The following RPL12 variants were observed in gnomAD, a reference collection of about 807,000 sequenced individuals.
RPL12 encodes the protein ribosomal protein L12, also known as large ribosomal subunit protein uL11.
A neutral mutation model predicts 24.5 loss-of-function variants in RPL12; 10 were observed. The observed-to-expected ratio is 0.41, with a 90% CI of 0.25 to 0.69. The LOEUF is 0.69. RPL12 is among the 30% of genes least tolerant of loss of function. The pLI is 0.33. For synonymous variants in RPL12, 74 were observed against 76.1 expected, an observed-to-expected ratio of 0.97 and a Z score of 0.14; for missense variants, 137 against 205.3, an observed-to-expected ratio of 0.67 and a Z score of 2.03.
intron 4 of RPL12, 76 bp from the exon 5 acceptor site, chr9:127,448,499 T>A: frequency 1.0e-6 from 1 of 975,414 alleles, no homozygotes; most frequent in Non-Finnish European, 1.7e-6. Context: ...ATTTCATTTC[T>A]AGGCTGTTCC....
chr9:127,447,818 G>C (rs372212965), intron 6 of RPL12, 59 bp downstream of exon 6: 3 of 1,611,998 alleles, frequency 1.9e-6, no homozygotes, highest in Non-Finnish European at 1.7e-6. Flanking sequence ...GCTTATCTCT[G>C]TGAATACACT....
At chr9:127,448,767 T>TA (rs1834217746) in intron 4 of RPL12, 1 of 426,890 alleles carries the variant, frequency 2.3e-6, no homozygotes, top group Admixed American at 3.2e-5. Context: ...TATAGGTCAT[T>TA]ATTGCTGACA....
Position 127,447,746 on chromosome 9 carries a change from A to G in RPL12, c.493-20T>C. On this transcript the variant is annotated intron_variant, in intron 6 of 6. Transcript: ENST00000361436. ...TTAACTCTGTGGGAAAGAAAAAAAA[A>G]ATCAGTAAAAAGTTTAAAAGGATTA... The G allele has an allele frequency of 1.2e-6, 2 of 1,613,472 alleles. No individual in the cohort carries two copies. Among genetic ancestry groups the G allele is most frequent in the Non-Finnish European group, 1.7e-6 (2 of 1,179,826 alleles).
intron 4 of RPL12, 48 bp from the exon 5 acceptor site, chr9:127,448,471 G>A: frequency 8.3e-7 from 1 of 1,207,706 alleles, no homozygotes. Context: ...TGAAGCCAAA[G>A]CAGATCATGT....
At chr9:127,450,892 C>G in intron 1 of RPL12, 88 bp from the exon 2 acceptor site, 1 of 1,016,348 alleles carries the variant, frequency 9.8e-7, no homozygotes. Flanking sequence ...ACACGCCACC[C>G]TCTGCCTCTT....
chr9:127,449,413 T>C (rs1834228847), intron 3 of RPL12, 51 bp from the exon 4 acceptor site: 5 of 1,520,444 alleles, frequency 3.3e-6, no homozygotes, highest in South Asian at 1.1e-5. Flanking sequence ...AATACTGCCA[T>C]GCACGCTGGC....
At position 127,449,588 on chromosome 9, in the gene RPL12, G is replaced by T. The variant is rs373798552; in HGVS notation, c.210+22C>A. 1.3e-6 allele frequency: 2 copies of T among 1,599,552 alleles called. No individual in the cohort carries two copies. Among genetic ancestry groups the T allele is most frequent in the Non-Finnish European group, 1.7e-6 (2 of 1,166,952 alleles). The stretch of plus-strand genomic sequence containing the variant: ...ACCTGTCCCCCCACCCTCCTCTCCC[G>T]AAACCAAGCACAAGCAAATACCTGG... On this transcript the variant is annotated intron_variant, in intron 3 of 6. Coordinates refer to ENST00000361436, the MANE Select transcript of RPL12 (RefSeq NM_000976.4).
chr9:127,450,150 G>A (rs555119305), intron 2 of RPL12: 4 of 185,494 alleles, frequency 2.2e-5, no homozygotes, highest in South Asian at 2.2e-4. Flanking sequence ...GGCCAAGGAA[G>A]AATAGTTAAG....
intron 4 of RPL12, 199 bp from the exon 5 acceptor site, chr9:127,448,622 A>G (rs1328611867): frequency 2.7e-6 from 2 of 754,102 alleles, no homozygotes; most frequent in African/African-American, 3.4e-5. Context: ...GGTCAGGTGC[A>G]GTGGCGGGTG....
intron 5 of RPL12, 21 bp from the exon 6 acceptor site, chr9:127,448,010 G>A (rs1353823676): frequency 6.3e-7 from 1 of 1,589,772 alleles, no homozygotes; most frequent in African/African-American, 1.3e-5. Context: ...AGAAATGGTG[G>A]CATTGGAGGT....
Position 127,447,695 on chromosome 9 carries a change from C to A in RPL12, c.*26G>T. 1.9e-6 allele frequency: 3 copies of A among 1,613,200 alleles called. No individual in the cohort carries two copies. The East Asian group carries it at 6.7e-5, about 36-fold the overall frequency. On this transcript the variant is annotated 3_prime_UTR_variant, in exon 7 of 7. Coordinates refer to ENST00000361436, the MANE Select transcript of RPL12 (RefSeq NM_000976.4). ...AAAATCCACCAGTTGTCAAATGATC[C>A]TTTATTGAAATGTTTTCCTTTGTGC...
At chr9:127,448,260 T>C (rs113624381) in intron 5 of RPL12, 77 bp downstream of exon 5, 10 of 1,252,580 alleles carry the variant, frequency 8.0e-6, no homozygotes, top group African/African-American at 5.9e-5. Flanking sequence ...CTGAGCACCC[T>C]TCAAGTAAGA....
In RPL12 at chr9:127,451,292, T is replaced by G; in HGVS notation, c.26A>C (p.Glu9Ala). The G allele has an allele frequency of 6.2e-7, 1 of 1,612,408 alleles. No homozygotes were observed. The highest frequency in any genetic ancestry group is 1.1e-5 in the South Asian group (1 of 91,006). ...ACCAGAGCACGCACCGACTTTGATC[T>G]CGTTGGGGTCGAACTTCGGCGGCAT... MPPKFDPN[E>A]IKVVYLRCTG... is the part of the protein sequence containing the mutation. The change falls in exon 1 of 7, where the codon GAG (glutamate) becomes GCG (alanine). Residue 9 changes from glutamate to alanine, a missense_variant. Glu to Ala is a moderately radical substitution (Grantham distance 107). Coordinates refer to ENST00000361436, the MANE Select transcript of RPL12 (RefSeq NM_000976.4).
intron 4 of RPL12, 98 bp downstream of exon 4, chr9:127,449,183 A>G (rs2131973101): frequency 2.1e-6 from 2 of 968,310 alleles, no homozygotes; most frequent in Middle Eastern, 3.3e-4. Context: ...CCCAATACCC[A>G]TGTCAACCCC....
chr9:127,449,537 C>A, intron 3 of RPL12, 73 bp downstream of exon 3: 1 of 1,442,082 alleles, frequency 6.9e-7, no homozygotes. Flanking sequence ...GGCAGAAATA[C>A]TCTTCAGGAA....
chr9:127,450,623 G>GT, intron 2 of RPL12, 108 bp downstream of exon 2: 1 of 779,046 alleles, frequency 1.3e-6, no homozygotes, highest in Admixed American at 3.0e-5. Context: ...CCTACTGAGG[G>GT]TGACAGTCCA....
In RPL12 at chr9:127,448,419, T is replaced by C; in HGVS notation, c.297A>G (p.Lys99=). The C allele has an allele frequency of 6.2e-7, 1 of 1,609,524 alleles. No homozygotes were observed. Among genetic ancestry groups the C allele is most frequent in the African/African-American group, 1.3e-5 (1 of 74,944 alleles). The change falls in exon 5 of 7, where the codon AAA becomes AAG. Residue 99 remains lysine, a synonymous_variant. Coordinates refer to ENST00000361436, the MANE Select transcript of RPL12 (RefSeq NM_000976.4). ...PRDRKKQKNI[K]HSGNITFDEI... Reference sequence around the variant, plus strand: ...CATCAAAAGTGATATTCCCACTGTGTTTAACTGCAGAAGAGGAAACAGCAA... The same window carrying C: ...CATCAAAAGTGATATTCCCACTGTGCTTAACTGCAGAAGAGGAAACAGCAA...
At chr9:127,447,758 G>A in intron 6 of RPL12, 32 bp from the exon 7 acceptor site, 2 of 1,613,418 alleles carry the variant, frequency 1.2e-6, no homozygotes, top group Middle Eastern at 1.7e-4. Flanking sequence ...TCAGTAAAAA[G>A]TTTAAAAGGA....
chr9:127,449,784 C>G, intron 2 of RPL12, 76 bp from the exon 3 acceptor site: 7 of 1,161,358 alleles, frequency 6.0e-6, no homozygotes, highest in East Asian at 2.4e-5. Flanking sequence ...CCACTTCTCA[C>G]TTGGCAACAA....
Sources: gnomAD v4.1 joint callset for allele counts on GRCh38, gnomAD v4.1.1 for gene constraint, MANE v1.5 for transcripts, NCBI Gene and HGNC (gene_info 2026-07-23, HGNC 2026-07-21) for gene names.